VPS37A: variants seen among roughly 807,000 people sequenced by gnomAD.
VPS37A encodes VPS37A subunit of ESCRT-I.
In VPS37A, 30 loss-of-function variants were observed where a neutral mutation model predicts 49.8. The observed-to-expected ratio is 0.60, with a 90% CI of 0.45 to 0.82. The LOEUF (loss-of-function observed/expected upper bound fraction) is 0.82, where lower values mean the gene tolerates loss of function less well. VPS37A is among the 40% of genes least tolerant of loss of function. The pLI is 0.00. For synonymous variants in VPS37A, 195 were observed against 160.6 expected (o/e 1.21, Z -1.62); for missense variants, 593 against 464.4 (o/e 1.28, Z -2.55).
At chr8:17,301,835 T>G (rs1021446214), downstream of VPS37A, 1 of 386,970 alleles carries the variant, frequency 2.6e-6, no homozygotes. Flanking sequence ...GATTTTATTC[T>G]GTTACTTTTT....
chr8:17,247,868 G>T (rs1811466786), intron 1 of VPS37A: 4 of 667,436 alleles, frequency 6.0e-6, no homozygotes, highest in Non-Finnish European at 1.1e-5. Context: ...CACTTATCAC[G>T]TAGTCAGTCT....
chr8:17,285,298 C>G (rs1367912114), intron 10 of VPS37A, among the ~76,000 whole-genome samples: 2 of 152,108 alleles, frequency 1.3e-5, no homozygotes, highest in African/African-American at 2.4e-5. Context: ...GCTGATAAAT[C>G]TAGTCCTAAT....
At chr8:17,270,784 C>T (rs1223646021) in intron 4 of VPS37A, among the ~76,000 whole-genome samples, 1 of 152,168 alleles carries the variant, frequency 6.6e-6, no homozygotes, top group Non-Finnish European at 1.5e-5. Context: ...TGAATAGGCA[C>T]ACTCCCCTTT....
In VPS37A at chr8:17,297,089, A is replaced by G. The variant is rs1051469095; in HGVS notation, c.*2103A>G. ...TATTTTCTTCATAAAAATTGGTCAC[A>G]TCGGAGAAGCAGTGCCACAGGAAAA... On this transcript the variant is annotated 3_prime_UTR_variant, in exon 12 of 12. Coordinates refer to ENST00000324849, the MANE Select transcript of VPS37A (RefSeq NM_152415.3). The G allele has an allele frequency of 2.0e-5, 3 of 152,196 alleles. No homozygotes were observed. The highest frequency in any genetic ancestry group is 4.4e-5 in the Non-Finnish European group (3 of 68,014). The allele number at this position is 152,196 out of a possible 1,614,324, so 9.4% of individuals were successfully genotyped here.
At chr8:17,306,143 G>A (rs948615711), downstream of VPS37A, among the ~76,000 whole-genome samples, 11 of 152,196 alleles carry the variant, frequency 7.2e-5, no homozygotes, top group Non-Finnish European at 1.2e-4. Flanking sequence ...ACTTTGTAGT[G>A]ACGGTCTGGA....
intron 5 of VPS37A, among the ~76,000 whole-genome samples, chr8:17,275,484 T>A (rs1282221623): frequency 6.6e-6 from 1 of 152,174 alleles, no homozygotes; most frequent in East Asian, 1.9e-4. Flanking sequence ...TTTGTGAAGC[T>A]GCCTATAGTA....
chr8:17,265,934 A>G lies in VPS37A; in HGVS notation c.153A>G (p.Glu51=). Residue 51 remains glutamate, a synonymous_variant, in exon 2 of 12, where the codon GAA becomes GAG. Coordinates refer to ENST00000324849, the MANE Select transcript of VPS37A (RefSeq NM_152415.3). ...TAGCCGAAATACAGAAAGATGTGGA[A>G]TACAGATTGCCATTCACCATAAACA... ...SSIAEIQKDV[E]YRLPFTINNL... is the part of the protein sequence containing the mutation. 1 of 1,613,514 alleles carries G rather than the reference A, an allele frequency of 6.2e-7. No individual in the cohort carries two copies. Among genetic ancestry groups the G allele is most frequent in the African/African-American group, 1.3e-5 (1 of 75,048 alleles).
intron 11 of VPS37A, among the ~76,000 whole-genome samples, chr8:17,293,351 AAT>A (rs1166469158): frequency 6.6e-6 from 1 of 151,974 alleles, no homozygotes; most frequent in Non-Finnish European, 1.5e-5. Context: ...TCTAGTTAGC[AAT>A]TCTTCTAACC....
chr8:17,301,236 C>G (rs1437868475), downstream of VPS37A, among the ~76,000 whole-genome samples: 1 of 152,140 alleles, frequency 6.6e-6, no homozygotes. Flanking sequence ...CAGAGAGAGG[C>G]AGAGTTCATG....
At chr8:17,309,486 C>A in the VPS37A span, among the ~76,000 whole-genome samples, 7 of 152,300 alleles carry the variant, frequency 4.6e-5, no homozygotes, top group Non-Finnish European at 8.8e-5. Context: ...TATAGAGATG[C>A]ACATGGCAAA....
intron 1 of VPS37A, among the ~76,000 whole-genome samples, chr8:17,264,790 A>C (rs190951338): frequency 6.6e-6 from 1 of 152,154 alleles, no homozygotes; most frequent in Non-Finnish European, 1.5e-5. Flanking sequence ...TTCCTCTGCA[A>C]CCTCACCTCA....
chr8:17,327,427 C>T, the VPS37A span, among the ~76,000 whole-genome samples: 5 of 143,268 alleles, frequency 3.5e-5, no homozygotes, highest in East Asian at 4.2e-4. Flanking sequence ...CACACCACCA[C>T]GCCTGGTTGA....
chr8:17,261,305 A>G (rs558805521), intron 1 of VPS37A, among the ~76,000 whole-genome samples: 3 of 152,242 alleles, frequency 2.0e-5, no homozygotes, highest in South Asian at 2.1e-4. Flanking sequence ...CAGTTCCAAC[A>G]TTTCTGTTTA....
Position 17,247,364 on chromosome 8 carries a change from C to G in VPS37A, c.120C>G (p.His40Gln). The G allele has an allele frequency of 6.5e-7, 1 of 1,535,090 alleles. No homozygotes were observed. Among genetic ancestry groups the G allele is most frequent in the African/African-American group, 1.4e-5 (1 of 72,440 alleles). The change falls in exon 1 of 12, where the codon CAC becomes CAG. Residue 40 changes from histidine (H) to glutamine (Q), a missense_variant. Physicochemically the swap from His to Gln is conservative, Grantham distance 24. Transcript: ENST00000324849. The stretch of plus-strand genomic sequence containing the variant: ...TGATCGAGTCCCTCCGGAACTCACA[C>G]TCCAGGTGACTGGTCGCTGCCTCTC... Reference protein sequence around the residue: ...QRLIESLRNSHSSIAEIQKDV... With the variant: ...QRLIESLRNSQSSIAEIQKDV...
At chr8:17,288,179 C>A (rs557554022) in intron 11 of VPS37A, among the ~76,000 whole-genome samples, 1 of 152,118 alleles carries the variant, frequency 6.6e-6, no homozygotes, top group South Asian at 2.1e-4. Context: ...AAATCCGTTC[C>A]TTACCTCTAT....
At chr8:17,252,446 A>G (rs1473829447) in intron 1 of VPS37A, among the ~76,000 whole-genome samples, 1 of 152,204 alleles carries the variant, frequency 6.6e-6, no homozygotes, top group Non-Finnish European at 1.5e-5. Flanking sequence ...CCAAAGTGCT[A>G]GGATGACAGG....
the VPS37A span, among the ~76,000 whole-genome samples, chr8:17,316,735 G>T: frequency 0.25 from 37,494 of 151,994 alleles, 4,956 homozygotes; most frequent in African/African-American, 0.32. Context: ...CACCTACATT[G>T]TATTAAGTAT....
At position 17,293,338 on chromosome 8, in the gene VPS37A, T is replaced by G. The variant is rs1816316558; in HGVS notation, c.*1-1649T>G. On this transcript the variant is annotated intron_variant, in intron 11 of 11. Coordinates refer to ENST00000324849, the MANE Select transcript of VPS37A (RefSeq NM_152415.3). ...TATTTATGTTCTTCTCTAAACTGATTATTCTAGTTAGCAATTCTTCTAACC... is the reference window on the plus strand; with the variant it reads ...TATTTATGTTCTTCTCTAAACTGATGATTCTAGTTAGCAATTCTTCTAACC... 2.6e-5 allele frequency among the ~76,000 whole-genome samples: 4 copies of G among 152,160 alleles called. No individual in the cohort carries two copies. The South Asian group carries it at 6.2e-4, about 24-fold the overall frequency.
intron 9 of VPS37A, among the ~76,000 whole-genome samples, chr8:17,280,886 C>T (rs1354783548): frequency 6.6e-6 from 1 of 151,564 alleles, no homozygotes; most frequent in Non-Finnish European, 1.5e-5. Context: ...ATGTGAAAAT[C>T]AAAAGAATTT....
Sources: gnomAD v4.1 joint callset for allele counts (sites outside exome capture counted in the v4.1 genomes callset) on GRCh38, gnomAD v4.1.1 for gene constraint, MANE v1.5 for transcripts, NCBI Gene and HGNC (gene_info 2026-07-23, HGNC 2026-07-21) for gene names.